The following PDSS2 variants were observed in gnomAD, a reference collection of about 807,000 sequenced individuals.
PDSS2 encodes decaprenyl diphosphate synthase subunit 2.
PDSS2 carries 31 observed loss-of-function variants against 44.5 expected under a neutral mutation model. The ratio of observed to expected loss-of-function variants is 0.70; its 90% CI spans 0.52 to 0.94. PDSS2 has a LOEUF of 0.94. Among genes scored for constraint, PDSS2 ranks in the 40% least tolerant of loss-of-function variants. The pLI is 0.00. For synonymous variants in PDSS2, 157 were observed against 180.3 expected, an observed-to-expected ratio of 0.87 and a Z score of 1.03; for missense variants, 452 against 482.2, an observed-to-expected ratio of 0.94 and a Z score of 0.59.
At position 107,212,149 on chromosome 6, in the gene PDSS2, A is replaced by G. The variant is rs1301323756; in HGVS notation, c.836T>C (p.Met279Thr). 1.2e-6 allele frequency: 2 copies of G among 1,614,158 alleles called. No homozygotes were observed. The highest frequency in any genetic ancestry group is 1.7e-6 in the Non-Finnish European group (2 of 1,179,994). Reference sequence around the variant, plus strand: ...CATGTGCTTCCCATACTGAAATGCCATATTCTGAACCTCAGCATCATGCTT... The same window carrying G: ...CATGTGCTTCCCATACTGAAATGCCGTATTCTGAACCTCAGCATCATGCTT... ...LAKHDAEVQN[M>T]AFQYGKHMAM... The change falls in exon 5 of 8, where the codon ATG becomes ACG. Residue 279 changes from methionine (M) to threonine (T), a missense_variant. By Grantham distance (81) the Met-to-Thr change is moderately conservative. Coordinates refer to ENST00000369037, the MANE Select transcript of PDSS2 (RefSeq NM_020381.4).
chr6:107,174,579 A>G (rs1032894201), intron 7 of PDSS2, among the ~76,000 whole-genome samples: 1 of 152,208 alleles, frequency 6.6e-6, no homozygotes, highest in African/African-American at 2.4e-5. Context: ...CTGAGTGGCA[A>G]GACTTGGTAC....
intron 4 of PDSS2, among the ~76,000 whole-genome samples, chr6:107,225,147 A>ATATATATATATATT (rs1773754094): frequency 1.9e-5 from 1 of 53,898 alleles, no homozygotes; most frequent in Non-Finnish European, 3.0e-5. Flanking sequence ...TTATATATAT[A>ATATATATATATATT]TATATATATA....
intron 2 of PDSS2, among the ~76,000 whole-genome samples, chr6:107,292,948 A>C (rs931494057): frequency 6.6e-6 from 1 of 152,234 alleles, no homozygotes; most frequent in African/African-American, 2.4e-5. Context: ...CTACCAAAAA[A>C]GCCTAACAAG....
chr6:107,414,683 T>C (rs1327730762), intron 1 of PDSS2, among the ~76,000 whole-genome samples: 1 of 152,218 alleles, frequency 6.6e-6, no homozygotes, highest in African/African-American at 2.4e-5. Flanking sequence ...TCTTTTGAGA[T>C]AGTCCCAACA....
intron 1 of PDSS2, among the ~76,000 whole-genome samples, chr6:107,435,877 C>T (rs1781334691): frequency 6.6e-6 from 1 of 151,866 alleles, no homozygotes; most frequent in Non-Finnish European, 1.5e-5. Flanking sequence ...TCCAAGGAGA[C>T]TCCAGGAGAA....
At chr6:107,241,594 C>T (rs1007474491) in intron 4 of PDSS2, among the ~76,000 whole-genome samples, 2 of 152,116 alleles carry the variant, frequency 1.3e-5, no homozygotes, top group South Asian at 2.1e-4. Flanking sequence ...GATCTGCCCG[C>T]CTCAACCTCC....
At chr6:107,374,253 C>CAA (rs3033569) in intron 1 of PDSS2, among the ~76,000 whole-genome samples, 1,881 of 69,864 alleles carry the variant, frequency 0.027, 67 homozygotes, top group African/African-American at 0.031. Context: ...GACTCCATCA[C>CAA]AAAAAAAAAA....
intron 3 of PDSS2, among the ~76,000 whole-genome samples, chr6:107,258,163 TA>T (rs1486669111): frequency 1.1e-4 from 16 of 152,214 alleles, no homozygotes; most frequent in African/African-American, 3.9e-4. Context: ...AAATCCGCCA[TA>T]AAGATGAGTT....
intron 3 of PDSS2, among the ~76,000 whole-genome samples, chr6:107,262,999 T>TA (rs1031955119): frequency 7.9e-5 from 12 of 152,102 alleles, no homozygotes; most frequent in Admixed American, 7.2e-4. Context: ...AAATATGCAT[T>TA]AAAAAACCAG....
intron 6 of PDSS2, among the ~76,000 whole-genome samples, chr6:107,207,077 C>T (rs1381236327): frequency 6.6e-6 from 1 of 151,870 alleles, no homozygotes; most frequent in East Asian, 1.9e-4. Context: ...ACTGCAACCT[C>T]CGCTTCCTGG....
chr6:107,369,820 C>T (rs1054401774), intron 1 of PDSS2, among the ~76,000 whole-genome samples: 2 of 151,950 alleles, frequency 1.3e-5, no homozygotes, highest in Non-Finnish European at 2.9e-5. Context: ...GCCTGGGCAC[C>T]ATAGTGAGAC....
chr6:107,406,363 A>G (rs1780320794), intron 1 of PDSS2, among the ~76,000 whole-genome samples: 1 of 152,192 alleles, frequency 6.6e-6, no homozygotes, highest in Non-Finnish European at 1.5e-5. Context: ...TCCTTACTCT[A>G]CAGCTCACTT....
intron 1 of PDSS2, among the ~76,000 whole-genome samples, chr6:107,396,808 C>G (rs1477727334): frequency 4.0e-5 from 6 of 151,388 alleles, no homozygotes; most frequent in Non-Finnish European, 1.5e-5. Flanking sequence ...CCCACCTCAG[C>G]CTCCTGAGTA....
At chr6:107,165,278 T>C (rs1281524405) in intron 7 of PDSS2, among the ~76,000 whole-genome samples, 21 of 152,356 alleles carry the variant, frequency 1.4e-4, no homozygotes, top group African/African-American at 5.0e-4. Context: ...GGTTTTCTTC[T>C]AGGGTTTTTA....
chr6:107,304,201 C>T (rs1300614282), intron 2 of PDSS2, among the ~76,000 whole-genome samples: 1 of 152,160 alleles, frequency 6.6e-6, no homozygotes, highest in Non-Finnish European at 1.5e-5. Flanking sequence ...GTCTCCCCAA[C>T]CCTGGTTGAG....
intron 3 of PDSS2, among the ~76,000 whole-genome samples, chr6:107,266,689 G>C (rs958551685): frequency 6.6e-6 from 1 of 152,310 alleles, no homozygotes; most frequent in East Asian, 1.9e-4. Context: ...AGAAGCTTCA[G>C]GCTGAATAGT....
intron 2 of PDSS2, among the ~76,000 whole-genome samples, chr6:107,312,016 G>C (rs905348227): frequency 4.6e-5 from 7 of 152,168 alleles, no homozygotes; most frequent in Admixed American, 4.6e-4. Context: ...AATGTTTCCT[G>C]GAGAAAAGGA....
chr6:107,238,080 T>A (rs1455944670), intron 4 of PDSS2, among the ~76,000 whole-genome samples: 1 of 151,224 alleles, frequency 6.6e-6, no homozygotes, highest in South Asian at 2.2e-4. Flanking sequence ...CTAAAACCAG[T>A]TCTTTCCCAA....
intron 7 of PDSS2, among the ~76,000 whole-genome samples, chr6:107,160,034 G>A (rs1427007074): frequency 6.6e-6 from 1 of 152,000 alleles, no homozygotes; most frequent in Non-Finnish European, 1.5e-5. Context: ...TGGCCAATAT[G>A]GTAAAACTCC....
Sources: allele counts gnomAD v4.1 joint callset (sites outside exome capture counted in the v4.1 genomes callset), GRCh38; gene constraint gnomAD v4.1.1; transcripts MANE v1.5; gene names NCBI Gene and HGNC (gene_info 2026-07-23, HGNC 2026-07-21).